PIGN: variants seen among roughly 807,000 people sequenced by gnomAD.
PIGN encodes the protein GPI ethanolamine phosphate transferase 1.
A neutral mutation model predicts 125.4 loss-of-function variants in PIGN; 117 were observed. That is an observed-to-expected ratio of 0.93 (90% confidence interval 0.80 to 1.09). The LOEUF (loss-of-function observed/expected upper bound fraction) is 1.09. Among genes scored for constraint, PIGN ranks in the 50% least tolerant of loss-of-function variants. The pLI, the probability that PIGN is intolerant of heterozygous loss-of-function variation, is 0.00. For missense variants in PIGN, 1,075 were observed against 1,094.9 expected (o/e 0.98, Z 0.26); for synonymous variants, 392 against 377.8 (o/e 1.04, Z -0.44).
chr18:62,140,415 CT>C lies in PIGN; in HGVS notation c.1023+4del. On this transcript the variant is annotated splice_donor_region_variant and intron_variant, in intron 12 of 30. Transcript: ENST00000640252. Reference sequence around the variant, plus strand: ...GAGAGTTGATAATAAAATTTTATTCCTTACCACTGAGTTAAGAGGAAAGGGA... The same window carrying C: ...GAGAGTTGATAATAAAATTTTATTCCTACCACTGAGTTAAGAGGAAAGGGA... 1.5e-6 allele frequency: 2 copies of C among 1,357,338 alleles called. No individual in the cohort carries two copies. Among genetic ancestry groups the C allele is most frequent in the East Asian group, 2.4e-5 (1 of 42,078 alleles). The allele number at this position is 1,357,338 out of a possible 1,614,324, so 84.1% of individuals were successfully genotyped here.
intron 1 of PIGN, among the ~76,000 whole-genome samples, chr18:62,183,015 A>G (rs947531032): frequency 9.9e-5 from 15 of 152,244 alleles, no homozygotes; most frequent in Non-Finnish European, 1.9e-4. Context: ...GAATAAGTTC[A>G]AGAGCTCTGT....
chr18:62,092,092 A>C (rs2033988184), intron 23 of PIGN, among the ~76,000 whole-genome samples: 1 of 152,186 alleles, frequency 6.6e-6, no homozygotes, highest in African/African-American at 2.4e-5. Flanking sequence ...GGAAAGATTC[A>C]GGTTTCAGAA....
chr18:62,106,740 A>C, intron 19 of PIGN, 49 bp downstream of exon 19: 1 of 1,240,588 alleles, frequency 8.1e-7, no homozygotes, highest in South Asian at 1.3e-5. Flanking sequence ...CACATGTGTC[A>C]AAACAAAGTA....
At chr18:62,090,249 AC>A (rs373659696) in intron 24 of PIGN, among the ~76,000 whole-genome samples, 52 of 152,196 alleles carry the variant, frequency 3.4e-4, no homozygotes, top group African/African-American at 1.2e-3. Flanking sequence ...TCAAGTAATC[AC>A]TAAGAAAAGC....
downstream of PIGN, among the ~76,000 whole-genome samples, chr18:62,040,400 A>C (rs1283693580): frequency 6.6e-6 from 1 of 152,164 alleles, no homozygotes; most frequent in Non-Finnish European, 1.5e-5. Flanking sequence ...TGACCTTGGT[A>C]GTTTTGAAAA....
At chr18:62,157,332 G>A (rs1166714917) in intron 5 of PIGN, 105 bp from the exon 6 acceptor site, 3 of 576,954 alleles carry the variant, frequency 5.2e-6, no homozygotes, top group South Asian at 2.8e-5. Flanking sequence ...GTGAATAAAT[G>A]CAAAACTAAT....
At chr18:62,086,735 G>A (rs1045303427) in intron 25 of PIGN, among the ~76,000 whole-genome samples, 2 of 151,940 alleles carry the variant, frequency 1.3e-5, no homozygotes, top group Non-Finnish European at 2.9e-5. Flanking sequence ...ATTCAGATAA[G>A]GGAGACAAAT....
Position 62,147,103 on chromosome 18 carries a change from T to C in PIGN, c.675-2A>G, listed in dbSNP as rs776190819. ...TTTTTAATATTGTGCTTGTAGTCTC[T>C]ATTTGTAAAGAAACAGAGGAACAAA... On this transcript the variant is annotated splice_acceptor_variant, in intron 8 of 30. Coordinates refer to ENST00000640252, the MANE Select transcript of PIGN (RefSeq NM_176787.5). LOFTEE classifies it high-confidence loss of function. The C allele has an allele frequency of 6.3e-7, 1 of 1,593,100 alleles. No individual in the cohort carries two copies. The highest frequency in any genetic ancestry group is 1.7e-5 in the Admixed American group (1 of 58,166).
intron 8 of PIGN, among the ~76,000 whole-genome samples, 177 bp from the exon 9 acceptor site, chr18:62,147,278 A>G (rs1307360555): frequency 6.6e-6 from 1 of 152,168 alleles, no homozygotes; most frequent in Non-Finnish European, 1.5e-5. Context: ...CTTTTAATGA[A>G]GCTAAATAAC....
At chr18:62,101,589 G>A (rs1423216053) in intron 21 of PIGN, among the ~76,000 whole-genome samples, 1 of 152,144 alleles carries the variant, frequency 6.6e-6, no homozygotes, top group Non-Finnish European at 1.5e-5. Flanking sequence ...GGCTTGACAG[G>A]ATTTTTGACA....
intron 30 of PIGN, among the ~76,000 whole-genome samples, chr18:62,068,838 A>G (rs1442728691): frequency 2.6e-5 from 4 of 152,068 alleles, no homozygotes; most frequent in African/African-American, 2.4e-5. Context: ...TTGTGACCCA[A>G]TGTACTCTTG....
At chr18:62,036,276 A>G (rs974900), downstream of PIGN, among the ~76,000 whole-genome samples, 1,570 of 146,096 alleles carry the variant, frequency 0.011, 20 homozygotes, top group East Asian at 0.051. Flanking sequence ...TTTTTTTTTT[A>G]AAGATTTTTT....
At chr18:62,021,015 G>A (rs1050532879) in intron 23 of PIGN, among the ~76,000 whole-genome samples, 1 of 151,848 alleles carries the variant, frequency 6.6e-6, no homozygotes, top group Admixed American at 6.6e-5. Context: ...TGACAGGGAT[G>A]TGGAGGAACT....
At chr18:62,152,549 G>A (rs2036575306) in intron 7 of PIGN, among the ~76,000 whole-genome samples, 1 of 152,048 alleles carries the variant, frequency 6.6e-6, no homozygotes, top group African/African-American at 2.4e-5. Context: ...CCTTCAACAT[G>A]CTCAGAACAT....
intron 23 of PIGN, among the ~76,000 whole-genome samples, chr18:62,033,541 A>G (rs759699433): frequency 6.6e-6 from 1 of 152,224 alleles, no homozygotes; most frequent in Non-Finnish European, 1.5e-5. Flanking sequence ...AATGCCTACA[A>G]ACATGTGATC....
intron 30 of PIGN, among the ~76,000 whole-genome samples, chr18:62,062,342 T>A (rs2032201826): frequency 6.6e-6 from 1 of 152,232 alleles, no homozygotes; most frequent in South Asian, 2.1e-4. Flanking sequence ...TTCAGTGCCA[T>A]CAGCCTGATG....
At chr18:62,083,763 A>C (rs1021663768) in intron 27 of PIGN, among the ~76,000 whole-genome samples, 1 of 152,222 alleles carries the variant, frequency 6.6e-6, no homozygotes, top group African/African-American at 2.4e-5. Flanking sequence ...AGTAGGGAAC[A>C]GGATGTGAGA....
intron 1 of PIGN, among the ~76,000 whole-genome samples, chr18:62,177,769 G>T (rs1261023325): frequency 2.0e-5 from 3 of 152,112 alleles, no homozygotes; most frequent in Non-Finnish European, 2.9e-5. Flanking sequence ...GGTCATTAAA[G>T]TCTCTGTTTT....
intron 14 of PIGN, 124 bp from the exon 15 acceptor site, chr18:62,114,763 A>C: frequency 2.0e-6 from 1 of 498,732 alleles, no homozygotes; most frequent in South Asian, 3.3e-5. Flanking sequence ...ACAAAAATCA[A>C]AGAAAAAAAC....
Sources: allele counts gnomAD v4.1 joint callset (sites outside exome capture counted in the v4.1 genomes callset), GRCh38; gene constraint gnomAD v4.1.1; transcripts MANE v1.5; gene names NCBI Gene and HGNC (gene_info 2026-07-23, HGNC 2026-07-21).